ADAMTS10: variants seen among roughly 807,000 people sequenced by gnomAD.
ADAMTS10 encodes the protein A disintegrin and metalloproteinase with thrombospondin motifs 10.
In ADAMTS10, 48 loss-of-function variants were observed where a neutral mutation model predicts 135.9. That is an observed-to-expected ratio of 0.35 (90% confidence interval 0.28 to 0.45). ADAMTS10 has a LOEUF of 0.45. Ranked by LOEUF, ADAMTS10 falls within the 20% of genes least tolerant of loss-of-function variation. The pLI is 1.00. For missense variants in ADAMTS10, 1,131 were observed against 1,565.2 expected (o/e 0.72, Z 4.68); for synonymous variants, 621 against 647.5 (o/e 0.96, Z 0.62).
chr19:8,581,844 C>CA (rs1192732527), intron 25 of ADAMTS10, among the ~76,000 whole-genome samples: 2 of 123,482 alleles, frequency 1.6e-5, no homozygotes, highest in African/African-American at 2.9e-5. Context: ...CAAAACAAAA[C>CA]AAAAAAACAA....
intron 25 of ADAMTS10, among the ~76,000 whole-genome samples, chr19:8,582,944 C>T (rs1377201651): frequency 3.3e-5 from 5 of 152,098 alleles, no homozygotes; most frequent in African/African-American, 1.2e-4. Context: ...GCCACCACGC[C>T]CAGCCTAATT....
intron 18 of ADAMTS10, among the ~76,000 whole-genome samples, chr19:8,588,153 C>G (rs1461772670): frequency 2.0e-5 from 3 of 152,002 alleles, no homozygotes; most frequent in Non-Finnish European, 4.4e-5. Context: ...GATGGTGAGG[C>G]AGGAGAATTT....
rs1169211303 is a variant in ADAMTS10, at chr19:8,596,473, A to G, written c.1085-61T>C. 2 of 1,611,444 alleles carry G rather than the reference A, an allele frequency of 1.2e-6. No individual in the cohort carries two copies. The highest frequency in any genetic ancestry group is 4.5e-5 in the East Asian group (2 of 44,026). On this transcript the variant is annotated intron_variant, in intron 9 of 25. Transcript: ENST00000597188. The surrounding 1 kb of genome is among the most constrained non-coding windows in gnomAD (Gnocchi z 7.2). ...GCTCAGGACGGTGCTGGCTGGCCCCATCCACCTGCCAGGTCTCACCCCAGC... is the reference window on the plus strand; with the variant it reads ...GCTCAGGACGGTGCTGGCTGGCCCCGTCCACCTGCCAGGTCTCACCCCAGC...
rs374528259 is a variant in ADAMTS10, at chr19:8,603,889, G to A, written c.436-5C>T. 27 of 1,601,618 alleles carry A rather than the reference G, an allele frequency of 1.7e-5. No individual in the cohort carries two copies. Among genetic ancestry groups the A allele is most frequent in the Non-Finnish European group, 2.2e-5 (26 of 1,171,014 alleles). On this transcript the variant is annotated splice_region_variant and splice_polypyrimidine_tract_variant and intron_variant, in intron 4 of 25. Transcript: ENST00000597188. ...GTCTGCCACGATCAGGCCGTGCTGG[G>A]TTTTGAGAAGTGGGATAGAAAGCTC... is the stretch of plus-strand genomic sequence containing the variant.
intron 6 of ADAMTS10, among the ~76,000 whole-genome samples, chr19:8,600,132 A>G (rs2042647004): frequency 6.6e-6 from 1 of 152,226 alleles, no homozygotes; most frequent in African/African-American, 2.4e-5. Context: ...TTTTACACAC[A>G]GCAAACACTT....
In ADAMTS10 at chr19:8,605,699, G is replaced by A; in HGVS notation, c.12C>T (p.Ala4=). The A allele has an allele frequency of 6.2e-7, 1 of 1,609,632 alleles. No individual in the cohort carries two copies. The highest frequency in any genetic ancestry group is 8.5e-7 in the Non-Finnish European group (1 of 1,179,014). MAP[A]CQILRWALAL... is the part of the protein sequence containing the mutation. The stretch of plus-strand genomic sequence containing the variant: ...CGAGGGCCCAGCGGAGGATCTGGCA[G>A]GCGGGAGCCATAGAGGCCACGTGTC... The change falls in exon 3 of 26, where the codon GCC becomes GCT. Residue 4 remains alanine (A), a synonymous_variant. Coordinates refer to ENST00000597188, the MANE Select transcript of ADAMTS10 (RefSeq NM_030957.4). The surrounding 1 kb of genome is among the most constrained non-coding windows in gnomAD (Gnocchi z 7.7).
At chr19:8,587,594 G>C (rs180918002) in intron 18 of ADAMTS10, among the ~76,000 whole-genome samples, 3 of 151,012 alleles carry the variant, frequency 2.0e-5, no homozygotes, top group African/African-American at 7.3e-5. Flanking sequence ...TCAGCCTCTC[G>C]AGCAGCTGGA....
intron 25 of ADAMTS10, 78 bp downstream of exon 25, chr19:8,584,817 A>C: frequency 1.3e-6 from 2 of 1,528,738 alleles, no homozygotes; most frequent in South Asian, 1.2e-5. Context: ...TCTAGGATGA[A>C]GTCAGGACCC....
chr19:8,583,899 CT>C (rs2042386726), intron 25 of ADAMTS10, among the ~76,000 whole-genome samples: 1 of 151,762 alleles, frequency 6.6e-6, no homozygotes, highest in Non-Finnish European at 1.5e-5. Flanking sequence ...TGGCTCACGC[CT>C]TTAATCCCAG....
At chr19:8,585,087 CA>C in intron 24 of ADAMTS10, 33 bp from the exon 25 acceptor site, 14 of 1,501,206 alleles carry the variant, frequency 9.3e-6, no homozygotes, top group Non-Finnish European at 1.2e-5. Context: ...TGCTGCCCCG[CA>C]GCCCCTGCCC....
chr19:8,603,596 G>T, intron 5 of ADAMTS10, 132 bp downstream of exon 5: 2 of 1,361,618 alleles, frequency 1.5e-6, no homozygotes, highest in South Asian at 1.2e-5. Flanking sequence ...TTATATCACT[G>T]TGTCCCCTTC....
At position 8,589,857 on chromosome 19, in the gene ADAMTS10, C is replaced by T. The variant is rs182194657; in HGVS notation, c.1900+32G>A. 1.2e-4 allele frequency: 198 copies of T among 1,595,634 alleles called. 1 individual carries two copies. The highest frequency in any genetic ancestry group is 3.8e-4 in the Admixed American group (23 of 59,788). ...TGGACACTCCCACGGCTGCCCTTCA[C>T]GGCCCCACAGCCTTTGGAGTCCCAC... On this transcript the variant is annotated intron_variant, in intron 16 of 25. Transcript: ENST00000597188.
chr19:8,584,212 A>G (rs1392956501), intron 25 of ADAMTS10, among the ~76,000 whole-genome samples: 1 of 151,842 alleles, frequency 6.6e-6, no homozygotes, highest in Non-Finnish European at 1.5e-5. Context: ...ACCTAGGCAG[A>G]AAAAAATGTG....
chr19:8,586,707 G>C lies in ADAMTS10; in HGVS notation c.2254C>G (p.Gln752Glu). Residue 752 changes from glutamine (Q) to glutamate (E), a missense_variant, in exon 20 of 26, where the codon CAG becomes GAG. Gln to Glu is a conservative substitution (Grantham distance 29). Around this residue, in one of 3 missense-constraint regions of ADAMTS10, gnomAD observed 745 missense variants for 1,056.3 expected, o/e 0.71. Coordinates refer to ENST00000597188, the MANE Select transcript of ADAMTS10 (RefSeq NM_030957.4). ...AGCCCCTCCAGCAGCAGGGACTCCT[G>C]GTCTCCCTTCAGGGCTGGGGGACGA... ...SLSHLALKGD[Q>E]ESLLLEGLPG... 1 of 1,613,238 alleles carries C rather than the reference G, an allele frequency of 6.2e-7. No homozygotes were observed. Among genetic ancestry groups the C allele is most frequent in the South Asian group, 1.1e-5 (1 of 91,056 alleles).
chr19:8,584,774 G>A (rs1327680714), intron 25 of ADAMTS10, 121 bp downstream of exon 25: 1 of 1,373,002 alleles, frequency 7.3e-7, no homozygotes, highest in African/African-American at 1.4e-5. Context: ...GCCTGGCAGA[G>A]ACACAGCAAT....
chr19:8,603,663 A>G, intron 5 of ADAMTS10, 65 bp downstream of exon 5: 2 of 1,604,950 alleles, frequency 1.2e-6, no homozygotes, highest in Admixed American at 1.7e-5. Flanking sequence ...GGATAAAAAG[A>G]CACTGCTGCC....
intron 6 of ADAMTS10, 113 bp downstream of exon 6, chr19:8,600,815 C>T (rs1176822466): frequency 5.9e-6 from 8 of 1,364,766 alleles, no homozygotes; most frequent in Non-Finnish European, 8.3e-6. Flanking sequence ...TTCCTTTCTA[C>T]CCCTGTCCCC....
At position 8,585,074 on chromosome 19, in the gene ADAMTS10, A is replaced by C; in HGVS notation, c.3043-20T>G. ...AGAGCACTGCGAGGGGGCACCACTC[A>C]GTTGCTGCCCCGCAGCCCCTGCCCT... On this transcript the variant is annotated intron_variant, in intron 24 of 25. Transcript: ENST00000597188. The C allele has an allele frequency of 1.3e-6, 2 of 1,510,550 alleles. No individual in the cohort carries two copies. Among genetic ancestry groups the C allele is most frequent in the Non-Finnish European group, 8.8e-7 (1 of 1,132,014 alleles). The allele number at this position is 1,510,550 out of a possible 1,614,324, so 93.6% of individuals were successfully genotyped here. A position where few individuals can be genotyped will look rare whatever the true frequency, so the allele number is the denominator to read the frequency against.
At chr19:8,593,222 G>A in intron 12 of ADAMTS10, 1 of 330,552 alleles carries the variant, frequency 3.0e-6, no homozygotes, top group Non-Finnish European at 5.8e-6. Context: ...CAGAGTCTGT[G>A]CTCTAACGAA....
Sources: gnomAD v4.1 joint callset for allele counts (sites outside exome capture counted in the v4.1 genomes callset) on GRCh38, gnomAD v4.1.1 for gene constraint, gnomAD v4.1.1 regional missense constraint, Gnocchi (gnomAD v3.1) non-coding constraint, MANE v1.5 for transcripts, NCBI Gene and HGNC (gene_info 2026-07-23, HGNC 2026-07-21) for gene names.